CSMD1: variants seen among roughly 807,000 people sequenced by gnomAD.
CSMD1 encodes the protein CUB and Sushi multiple domains 1.
In CSMD1, 213 loss-of-function variants were observed where a neutral mutation model predicts 417.5. The observed-to-expected ratio is 0.51, with a 90% CI of 0.46 to 0.57. CSMD1 has a LOEUF of 0.57. Ranked by LOEUF, CSMD1 falls within the 20% of genes least tolerant of loss-of-function variation. The probability of loss-of-function intolerance (pLI) is 0.00; values close to 1 mark genes in which losing one functional copy is unlikely to be tolerated. For synonymous variants in CSMD1, 2,862 were observed against 1,736.8 expected, an observed-to-expected ratio of 1.65 and a Z score of -16.11; for missense variants, 6,923 against 4,529.7, an observed-to-expected ratio of 1.53 and a Z score of -15.17.
intron 25 of CSMD1, among the ~76,000 whole-genome samples, chr8:3,305,503 T>C (rs1436888491): frequency 2.6e-5 from 4 of 152,068 alleles, no homozygotes; most frequent in African/African-American, 7.2e-5. Context: ...GGGTTAGCTA[T>C]AGTGGGAGGG....
intron 3 of CSMD1, among the ~76,000 whole-genome samples, chr8:4,282,308 T>C (rs1796830017): frequency 6.6e-6 from 1 of 152,168 alleles, no homozygotes; most frequent in African/African-American, 2.4e-5. Context: ...TCAGGAACAC[T>C]GGAGCACGCC....
At chr8:4,723,447 C>T (rs1809196218) in intron 1 of CSMD1, among the ~76,000 whole-genome samples, 1 of 152,092 alleles carries the variant, frequency 6.6e-6, no homozygotes, top group Non-Finnish European at 1.5e-5. Context: ...GTGAAATATA[C>T]CTGATACTTA....
chr8:3,938,172 G>C (rs1810633741), intron 5 of CSMD1, among the ~76,000 whole-genome samples: 1 of 152,068 alleles, frequency 6.6e-6, no homozygotes, highest in South Asian at 2.1e-4. Context: ...GTCAATAAAA[G>C]TTGGGCATTG....
At chr8:4,638,488 G>C (rs781771375) in intron 1 of CSMD1, among the ~76,000 whole-genome samples, 2 of 152,174 alleles carry the variant, frequency 1.3e-5, no homozygotes, top group Non-Finnish European at 2.9e-5. Context: ...TGAAAGAGCA[G>C]CTCAGCAAAA....
At chr8:3,540,541 T>G (rs1030049909) in intron 10 of CSMD1, among the ~76,000 whole-genome samples, 1 of 152,118 alleles carries the variant, frequency 6.6e-6, no homozygotes, top group African/African-American at 2.4e-5. Context: ...TGGGATCTAA[T>G]TAAAGTAAAG....
chr8:3,655,161 C>G (rs1465459442), intron 7 of CSMD1, among the ~76,000 whole-genome samples: 1 of 152,170 alleles, frequency 6.6e-6, no homozygotes, highest in Admixed American at 6.5e-5. Context: ...TTGCTTTTGA[C>G]TTTGTTCCAC....
intron 2 of CSMD1, among the ~76,000 whole-genome samples, chr8:4,443,669 T>C (rs144553099): frequency 6.6e-6 from 1 of 152,314 alleles, no homozygotes; most frequent in African/African-American, 2.4e-5. Context: ...AGAAATAGCA[T>C]TTATACCATT....
intron 5 of CSMD1, among the ~76,000 whole-genome samples, chr8:3,845,074 G>C (rs368271614): frequency 6.6e-6 from 1 of 152,106 alleles, no homozygotes; most frequent in East Asian, 1.9e-4. Context: ...TCATATTATA[G>C]TTTAAAATGC....
intron 1 of CSMD1, among the ~76,000 whole-genome samples, chr8:4,675,783 C>T (rs771183429): frequency 2.0e-5 from 3 of 152,176 alleles, no homozygotes; most frequent in Non-Finnish European, 2.9e-5. Context: ...CCTGTGTTTA[C>T]ATTCAGGTAC....
intron 1 of CSMD1, among the ~76,000 whole-genome samples, chr8:4,673,489 A>G (rs1362542110): frequency 1.3e-5 from 2 of 152,128 alleles, no homozygotes; most frequent in Non-Finnish European, 2.9e-5. Flanking sequence ...TCAGGAAATG[A>G]TTGCTATGTG....
At chr8:4,724,474 G>C (rs540696679) in intron 1 of CSMD1, among the ~76,000 whole-genome samples, 9 of 150,810 alleles carry the variant, frequency 6.0e-5, no homozygotes, top group Non-Finnish European at 1.2e-4. Flanking sequence ...TAAGTAGCTG[G>C]GAGTTCATCT....
intron 18 of CSMD1, among the ~76,000 whole-genome samples, 185 bp from the exon 19 acceptor site, chr8:3,369,555 G>T (rs529482758): frequency 6.6e-6 from 1 of 152,244 alleles, no homozygotes; most frequent in African/African-American, 2.4e-5. Context: ...TCATATGAAG[G>T]GATCTTAACC....
intron 3 of CSMD1, among the ~76,000 whole-genome samples, chr8:4,032,935 A>G (rs1797425348): frequency 6.6e-6 from 1 of 152,042 alleles, no homozygotes; most frequent in Non-Finnish European, 1.5e-5. Flanking sequence ...CCCTGTTGGA[A>G]TTACTGATAG....
chr8:4,511,968 C>A (rs944292418), intron 2 of CSMD1, among the ~76,000 whole-genome samples: 1 of 152,118 alleles, frequency 6.6e-6, no homozygotes, highest in Non-Finnish European at 1.5e-5. Flanking sequence ...AACATCAACA[C>A]CAGACAGAGG....
chr8:4,075,875 T>C (rs1211918130), intron 3 of CSMD1, among the ~76,000 whole-genome samples: 2 of 152,202 alleles, frequency 1.3e-5, no homozygotes, highest in African/African-American at 2.4e-5. Flanking sequence ...ATATCTGTTC[T>C]AGCCCAGAAA....
At chr8:4,539,120 A>G (rs915206097) in intron 2 of CSMD1, among the ~76,000 whole-genome samples, 1 of 152,228 alleles carries the variant, frequency 6.6e-6, no homozygotes, top group African/African-American at 2.4e-5. Flanking sequence ...AGCTTAGCAT[A>G]TTCTGTGGAA....
intron 3 of CSMD1, among the ~76,000 whole-genome samples, chr8:4,034,432 T>C (rs1245811097): frequency 2.0e-5 from 3 of 152,226 alleles, no homozygotes; most frequent in Admixed American, 1.3e-4. Flanking sequence ...TCTGCAATCA[T>C]TTTTGTCTTT....
At chr8:3,755,478 G>A (rs1402831085) in intron 5 of CSMD1, among the ~76,000 whole-genome samples, 1 of 152,118 alleles carries the variant, frequency 6.6e-6, no homozygotes, top group Non-Finnish European at 1.5e-5. Context: ...AATCTGTAAG[G>A]GTTTAAGCAA....
intron 2 of CSMD1, among the ~76,000 whole-genome samples, chr8:4,452,291 C>T (rs1249565028): frequency 6.6e-6 from 1 of 152,158 alleles, no homozygotes; most frequent in Non-Finnish European, 1.5e-5. Flanking sequence ...CTTGTCTTAA[C>T]AACTATTTAG....
Sources: gnomAD v4.1 joint callset for allele counts (sites outside exome capture counted in the v4.1 genomes callset) on GRCh38, gnomAD v4.1.1 for gene constraint, MANE v1.5 for transcripts, NCBI Gene and HGNC (gene_info 2026-07-23, HGNC 2026-07-21) for gene names.